CHD1: variants seen among roughly 807,000 people sequenced by gnomAD.
CHD1 encodes the protein ATP-dependent chromatin remodeler CHD1.
A neutral mutation model predicts 224.2 loss-of-function variants in CHD1; 36 were observed. That is an observed-to-expected ratio of 0.16 (90% CI 0.12 to 0.21). CHD1 has a LOEUF of 0.21. Ranked by LOEUF, CHD1 falls within the 10% of genes least tolerant of loss-of-function variation. The pLI, the probability that CHD1 is intolerant of heterozygous loss-of-function variation, is 1.00. For synonymous variants in CHD1, 668 were observed against 658.3 expected (o/e 1.01, Z -0.23); for missense variants, 1,378 against 1,994.8 (o/e 0.69, Z 5.89).
intron 26 of CHD1, 27 bp downstream of exon 26, chr5:98,873,566 T>C (rs1361851776): frequency 3.9e-6 from 6 of 1,531,662 alleles, no homozygotes; most frequent in East Asian, 2.4e-5. Flanking sequence ...TTACTTCTCT[T>C]TTAAATCACT....
At chr5:98,913,086 A>G (rs1752526586) in intron 2 of CHD1, among the ~76,000 whole-genome samples, 1 of 152,228 alleles carries the variant, frequency 6.6e-6, no homozygotes, top group Admixed American at 6.5e-5. Flanking sequence ...AATTTTATTT[A>G]CTAAAGAATA....
intron 2 of CHD1, among the ~76,000 whole-genome samples, chr5:98,918,753 CAAAAAAAAA>C (rs35829200): frequency 1.5e-5 from 1 of 64,548 alleles, no homozygotes; most frequent in African/African-American, 4.4e-5. Context: ...CAAGACTCTT[CAAAAAAAAA>C]AAAAAACAAA....
chr5:98,898,861 A>G (rs1751509874), intron 8 of CHD1, 97 bp from the exon 9 acceptor site: 1 of 709,900 alleles, frequency 1.4e-6, no homozygotes, highest in Non-Finnish European at 2.4e-6. Flanking sequence ...AAAATCTCCC[A>G]TTTTGCCACT....
intron 32 of CHD1, 64 bp downstream of exon 32, chr5:98,863,344 C>CAAAA: frequency 1.3e-6 from 1 of 796,168 alleles, no homozygotes; most frequent in Non-Finnish European, 1.7e-6. Context: ...GGAAAGAAAA[C>CAAAA]AAAAAAAAAA....
chr5:98,922,766 A>G (rs970865284), intron 2 of CHD1, among the ~76,000 whole-genome samples: 2 of 152,198 alleles, frequency 1.3e-5, no homozygotes, highest in African/African-American at 4.8e-5. Context: ...AGGCGGGCAG[A>G]TCACCTGAGG....
chr5:98,879,445 A>C, intron 23 of CHD1, 107 bp downstream of exon 23: 1 of 923,880 alleles, frequency 1.1e-6, no homozygotes, highest in Non-Finnish European at 1.6e-6. Flanking sequence ...AATCAAGGCC[A>C]TTACAAGAAA....
At chr5:98,901,128 A>C (rs753868590) in intron 6 of CHD1, 46 bp from the exon 7 acceptor site, 86 of 1,574,044 alleles carry the variant, frequency 5.5e-5, no homozygotes, top group Non-Finnish European at 7.3e-5. Flanking sequence ...GAGAAACTAT[A>C]TACAAAAAGA....
Position 98,897,134 on chromosome 5 carries a change from T to A in CHD1, c.1493+59A>T, listed in dbSNP as rs976890239. The A allele has an allele frequency of 2.0e-6, 3 of 1,501,358 alleles. No homozygotes were observed. The African/African-American group carries it at 4.2e-5, about 21-fold the overall frequency. 93.0% of individuals were successfully genotyped at this position (1,501,358 alleles called of 1,614,324 possible). On this transcript the variant is annotated intron_variant, in intron 11 of 35. Transcript: ENST00000614616. ...TATGTAAATGGAAATCTTTTCTGAA[T>A]CCTGTATTGGTAAATTCTTACTCTG...
intron 22 of CHD1, among the ~76,000 whole-genome samples, chr5:98,880,260 G>A (rs990887583): frequency 1.3e-5 from 2 of 152,118 alleles, no homozygotes; most frequent in African/African-American, 2.4e-5. Flanking sequence ...TATCACAGCC[G>A]GGCGAAGTGG....
chr5:98,874,122 T>C (rs1241065999), intron 25 of CHD1, among the ~76,000 whole-genome samples: 1 of 152,176 alleles, frequency 6.6e-6, no homozygotes, highest in Non-Finnish European at 1.5e-5. Context: ...AGACATTTTT[T>C]CATCTAAAAT....
At chr5:98,867,795 G>GC (rs1749001275) in intron 31 of CHD1, among the ~76,000 whole-genome samples, 1 of 98,064 alleles carries the variant, frequency 1.0e-5, no homozygotes, top group South Asian at 3.5e-4. Context: ...TATCTTCCTT[G>GC]TTTTTTTTTT....
chr5:98,900,953 A>G lies in CHD1; in HGVS notation c.717T>C (p.Asn239=). Residue 239 remains asparagine (N), a synonymous_variant, in exon 7 of 36, where the codon AAT becomes AAC. Coordinates refer to ENST00000614616, the MANE Select transcript of CHD1 (RefSeq NM_001270.4). The part of the protein sequence containing the change: ...KRSSRRQATV[N]VSYKEDEEMK... ...TTTCTTCATCCTCCTTATAGCTAAC[A>G]TTAACAGTTGCTTGGCGACGAGAAC... The G allele has an allele frequency of 6.2e-7, 1 of 1,614,054 alleles. No individual in the cohort carries two copies. Among genetic ancestry groups the G allele is most frequent in the South Asian group, 1.1e-5 (1 of 91,082 alleles).
chr5:98,873,561 T>A (rs193121292), intron 26 of CHD1, 32 bp downstream of exon 26: 302 of 1,512,090 alleles, frequency 2.0e-4, no homozygotes, highest in Middle Eastern at 5.3e-4. Context: ...TTCATTTACT[T>A]CTCTTTTAAA....
chr5:98,866,739 A>G (rs1405543610), intron 31 of CHD1, among the ~76,000 whole-genome samples: 1 of 152,198 alleles, frequency 6.6e-6, no homozygotes, highest in East Asian at 1.9e-4. Context: ...ATATATAAAC[A>G]TGACACATCT....
chr5:98,920,936 C>A (rs925006589), intron 2 of CHD1, among the ~76,000 whole-genome samples: 1 of 151,798 alleles, frequency 6.6e-6, no homozygotes, highest in African/African-American at 2.4e-5. Context: ...ACTGGGGAGA[C>A]GTGACAACTA....
chr5:98,867,578 A>G (rs187461629), intron 31 of CHD1, among the ~76,000 whole-genome samples: 8 of 150,196 alleles, frequency 5.3e-5, no homozygotes, highest in Admixed American at 2.0e-4. Flanking sequence ...GTGTGTGTAC[A>G]TATTTATTTT....
intron 2 of CHD1, among the ~76,000 whole-genome samples, chr5:98,918,281 G>T (rs1169620962): frequency 6.6e-6 from 1 of 151,130 alleles, no homozygotes; most frequent in South Asian, 2.1e-4. Flanking sequence ...GGATGGTCTC[G>T]ATCTCCTGAC....
At chr5:98,902,048 T>C (rs1210008905) in intron 5 of CHD1, among the ~76,000 whole-genome samples, 4 of 152,128 alleles carry the variant, frequency 2.6e-5, no homozygotes, top group Non-Finnish European at 5.9e-5. Context: ...AATCTGCTTA[T>C]GATAAAAACA....
chr5:98,901,223 G>A lies in CHD1; in HGVS notation c.550C>T (p.Pro184Ser). Reference sequence around the variant, plus strand: ...TTTCTGCTTTTGACTTTGTTTTTTGGCTCATAATCAGATTCTGTTTCATCA... The same window carrying A: ...TTTCTGCTTTTGACTTTGTTTTTTGACTCATAATCAGATTCTGTTTCATCA... ...SCDETESDYEPKNKVKSRKPQ... is the reference protein window; with the variant it reads ...SCDETESDYESKNKVKSRKPQ... Residue 184 changes from proline (P) to serine (S), a missense_variant, in exon 6 of 36, where the codon CCA becomes TCA. Transcript: ENST00000614616. 1 of 1,612,388 alleles carries A rather than the reference G, an allele frequency of 6.2e-7. No homozygotes were observed. Among genetic ancestry groups the A allele is most frequent in the Non-Finnish European group, 8.5e-7 (1 of 1,179,542 alleles).
Sources: gnomAD v4.1 joint callset for allele counts (sites outside exome capture counted in the v4.1 genomes callset) on GRCh38, gnomAD v4.1.1 for gene constraint, MANE v1.5 for transcripts, NCBI Gene and HGNC (gene_info 2026-07-23, HGNC 2026-07-21) for gene names.